Variants in SORL1 observed in about 807,000 individuals in gnomAD.
SORL1 encodes the protein sortilin related receptor 1.
SORL1 carries 127 observed loss-of-function variants against 273.7 expected under a neutral mutation model. The ratio of observed to expected loss-of-function variants is 0.46; its 90% CI spans 0.40 to 0.54. The LOEUF (loss-of-function observed/expected upper bound fraction) is 0.54. SORL1 is among the 20% of genes least tolerant of loss of function. The pLI, the probability that SORL1 is intolerant of heterozygous loss-of-function variation, is 0.00. For missense variants in SORL1, 2,494 were observed against 2,846.1 expected (o/e 0.88, Z 2.81); for synonymous variants, 1,031 against 1,067.4 (o/e 0.97, Z 0.66).
At chr11:121,553,867 G>A in intron 16 of SORL1, 70 bp from the exon 17 acceptor site, 1 of 1,444,894 alleles carries the variant, frequency 6.9e-7, no homozygotes, top group Non-Finnish European at 9.5e-7. Flanking sequence ...GAAACAAATA[G>A]GTCAGATGTG....
Position 121,622,215 on chromosome 11 carries a change from C to T in SORL1, c.6118C>T (p.Leu2040Phe), listed in dbSNP as rs1299865112. The T allele has an allele frequency of 2.5e-6, 4 of 1,612,718 alleles. No homozygotes were observed. The highest frequency in any genetic ancestry group is 2.2e-5 in the East Asian group (1 of 44,860). Residue 2040 changes from leucine to phenylalanine, a missense_variant, in exon 45 of 48, where the codon CTT becomes TTT. Transcript: ENST00000260197. ...LKIITENDHV[L>F]LFWKSLALKE... ...AATCATAACAGAAAATGATCATGTT[C>T]TTCTGTTTTGGAAAAGCCTGGCTTT...
Position 121,554,090 on chromosome 11 carries a change from T to C in SORL1, c.2420T>C (p.Leu807Pro). 6.2e-7 allele frequency: 1 copy of C among 1,614,072 alleles called. No homozygotes were observed. Among genetic ancestry groups the C allele is most frequent in the Non-Finnish European group, 8.5e-7 (1 of 1,179,954 alleles). ...CACAACTGTTTGTATTGGTCCGACCTGGCCTTGGACGTCATCCAGGTGAGT... is the reference window on the plus strand; with the variant it reads ...CACAACTGTTTGTATTGGTCCGACCCGGCCTTGGACGTCATCCAGGTGAGT... ...YEHNCLYWSDLALDVIQRLCL... is the reference protein window; with the variant it reads ...YEHNCLYWSDPALDVIQRLCL... Residue 807 changes from leucine to proline, a missense_variant, in exon 17 of 48, where the codon CTG (leucine) becomes CCG (proline). By Grantham distance (98) the Leu-to-Pro change is moderately conservative. Around this residue, in one of 3 missense-constraint regions of SORL1, gnomAD observed 710 missense variants for 882.5 expected, o/e 0.80. Transcript: ENST00000260197. The surrounding 1 kb of genome is among the most constrained non-coding windows in gnomAD (Gnocchi z 4.6).
intron 2 of SORL1, among the ~76,000 whole-genome samples, chr11:121,471,152 C>T (rs530588287): frequency 1.3e-5 from 2 of 152,266 alleles, no homozygotes; most frequent in South Asian, 4.1e-4. Context: ...TACTTGGTTC[C>T]TGTGTTGGAG....
chr11:121,542,380 G>A (rs1862360934), intron 12 of SORL1, among the ~76,000 whole-genome samples: 1 of 152,088 alleles, frequency 6.6e-6, no homozygotes, highest in African/African-American at 2.4e-5. Context: ...CATTGCATTT[G>A]GCTTTTATAC....
chr11:121,590,009 A>G, intron 29 of SORL1, 31 bp from the exon 30 acceptor site: 1 of 1,611,372 alleles, frequency 6.2e-7, no homozygotes, highest in Non-Finnish European at 8.5e-7. Flanking sequence ...GATGCAGGGA[A>G]AGCAACTGAT....
chr11:121,477,194 C>T (rs990983255), intron 2 of SORL1, among the ~76,000 whole-genome samples: 17 of 152,100 alleles, frequency 1.1e-4, no homozygotes, highest in African/African-American at 2.2e-4. Context: ...TTTTTAACCC[C>T]GTGATTATAT....
At position 121,557,146 on chromosome 11, in the gene SORL1, G is replaced by A. The variant is rs148382069; in HGVS notation, c.2572-168G>A. On this transcript the variant is annotated intron_variant, in intron 18 of 47. Coordinates refer to ENST00000260197, the MANE Select transcript of SORL1 (RefSeq NM_003105.6). The stretch of plus-strand genomic sequence containing the variant: ...CCCATGAGTCAGAGGAAGGAACAGC[G>A]CATTGTGACTAGAAGTTGGGGCAGG... 4.6e-3 allele frequency: 2,961 copies of A among 637,662 alleles called. 21 individuals are homozygous for A. Among genetic ancestry groups the A allele is most frequent in the Middle Eastern group, 0.02 (52 of 2,596 alleles). The allele number at this position is 637,662 out of a possible 1,614,324, so 39.5% of individuals were successfully genotyped here.
intron 6 of SORL1, among the ~76,000 whole-genome samples, chr11:121,508,547 G>A (rs1401540835): frequency 1.3e-5 from 2 of 152,198 alleles, no homozygotes; most frequent in African/African-American, 2.4e-5. Context: ...AGCTGATAAT[G>A]CAGCCTTCCT....
chr11:121,614,835 A>G (rs1863616310), intron 40 of SORL1, 36 bp from the exon 41 acceptor site: 6 of 1,589,798 alleles, frequency 3.8e-6, no homozygotes, highest in Middle Eastern at 1.7e-4. Flanking sequence ...AACACCCCCA[A>G]CTTCCTCCTG....
chr11:121,619,233 G>A (rs913021406), intron 42 of SORL1, among the ~76,000 whole-genome samples: 1 of 152,142 alleles, frequency 6.6e-6, no homozygotes, highest in Non-Finnish European at 1.5e-5. Flanking sequence ...TACATGGTAC[G>A]TTATTATTCT....
At chr11:121,590,959 G>C in intron 30 of SORL1, 42 bp from the exon 31 acceptor site, 1 of 1,612,982 alleles carries the variant, frequency 6.2e-7, no homozygotes, top group African/African-American at 1.3e-5. Flanking sequence ...AGATCAAGCT[G>C]CTTCTAATGT....
Position 121,543,648 on chromosome 11 carries a change from G to A in SORL1, c.1786G>A (p.Val596Ile), listed in dbSNP as rs1267522196. Residue 596 changes from valine (V) to isoleucine (I), a missense_variant, in exon 13 of 48, where the codon GTC becomes ATC. Val to Ile is a conservative substitution (Grantham distance 29). Around this residue, in one of 3 missense-constraint regions of SORL1, gnomAD observed 710 missense variants for 882.5 expected, o/e 0.80. Transcript: ENST00000260197. ...LLTEPGEKST[V>I]FTIFGSNKEN... ...CACAGAACCTGGGGAGAAGAGCACTGTCTTCACCATCTTTGGCTCGAACAA... is the reference window on the plus strand; with the variant it reads ...CACAGAACCTGGGGAGAAGAGCACTATCTTCACCATCTTTGGCTCGAACAA... 2 of 1,614,102 alleles carry A rather than the reference G, an allele frequency of 1.2e-6. No individual in the cohort carries two copies. Among genetic ancestry groups the A allele is most frequent in the Admixed American group, 3.3e-5 (2 of 60,034 alleles).
At chr11:121,613,541 CTT>C (rs58079623) in intron 40 of SORL1, among the ~76,000 whole-genome samples, 1 of 146,992 alleles carries the variant, frequency 6.8e-6, no homozygotes, top group Admixed American at 6.8e-5. Context: ...TCTATTGTTA[CTT>C]TTTTTTTTTA....
In SORL1 at chr11:121,588,123, C is replaced by T. The variant is rs771327140; in HGVS notation, c.3918C>T (p.Ser1306=). ...GAATCATCCAGTGCCGCGACGGGTC[C>T]GATGAGGATGCGGCGTTTGCAGGAT... is the stretch of plus-strand genomic sequence containing the variant. ...CDGIIQCRDG[S]DEDAAFAGCS... is the part of the protein sequence containing the mutation. The change falls in exon 28 of 48, where the codon TCC becomes TCT. Residue 1306 remains serine, a synonymous_variant. Transcript: ENST00000260197. The T allele has an allele frequency of 1.2e-5, 20 of 1,613,546 alleles. No homozygotes were observed. Among genetic ancestry groups the T allele is most frequent in the African/African-American group, 5.3e-5 (4 of 74,904 alleles).
intron 2 of SORL1, 30 bp from the exon 3 acceptor site, chr11:121,478,088 C>G: frequency 6.7e-7 from 1 of 1,483,740 alleles, no homozygotes; most frequent in Middle Eastern, 1.9e-4. Context: ...CCAACTCTTT[C>G]TTTTTCATCT....
chr11:121,539,102 A>C (rs375224306), intron 12 of SORL1, among the ~76,000 whole-genome samples: 4 of 152,342 alleles, frequency 2.6e-5, no homozygotes, highest in African/African-American at 9.6e-5. Flanking sequence ...TAGAAGTCTT[A>C]TCTTGGGTTG....
chr11:121,523,596 G>A (rs544285375), intron 11 of SORL1, among the ~76,000 whole-genome samples: 28 of 151,590 alleles, frequency 1.8e-4, no homozygotes, highest in Non-Finnish European at 3.4e-4. Context: ...TTGGGCATTA[G>A]AGAATTTCCA....
At chr11:121,589,175 C>T (rs1277403626) in intron 28 of SORL1, 84 bp from the exon 29 acceptor site, 2 of 1,492,106 alleles carry the variant, frequency 1.3e-6, no homozygotes, top group Non-Finnish European at 1.9e-6. Context: ...CACTGCTGTT[C>T]CCCCTTGCTT....
intron 1 of SORL1, among the ~76,000 whole-genome samples, chr11:121,461,437 TG>T (rs1860999516): frequency 6.6e-6 from 1 of 152,208 alleles, no homozygotes; most frequent in African/African-American, 2.4e-5. Flanking sequence ...CCTCACCTCC[TG>T]GTAGCCCAGA....
Sources: gnomAD v4.1 joint callset for allele counts (sites outside exome capture counted in the v4.1 genomes callset) on GRCh38, gnomAD v4.1.1 for gene constraint, gnomAD v4.1.1 regional missense constraint, Gnocchi (gnomAD v3.1) non-coding constraint, MANE v1.5 for transcripts, NCBI Gene and HGNC (gene_info 2026-07-23, HGNC 2026-07-21) for gene names.